HDAC4: variants seen among roughly 807,000 people sequenced by gnomAD.
The protein encoded by HDAC4 is histone deacetylase A.
A neutral mutation model predicts 135.1 loss-of-function variants in HDAC4; 16 were observed. That is an observed-to-expected ratio of 0.12 (90% confidence interval 0.08 to 0.18). The LOEUF (loss-of-function observed/expected upper bound fraction) is 0.18, where lower values mean the gene tolerates loss of function less well. HDAC4 is among the 10% of genes least tolerant of loss of function. The pLI is 1.00. For missense variants in HDAC4, 1,143 were observed against 1,511.8 expected (o/e 0.76, Z 4.05); for synonymous variants, 685 against 653.4 (o/e 1.05, Z -0.74).
chr2:239,335,508 CAAAAAAAAAAA>C (rs61007856), intron 2 of HDAC4, among the ~76,000 whole-genome samples: 4 of 59,384 alleles, frequency 6.7e-5, no homozygotes, highest in East Asian at 1.1e-3. Context: ...ATCTGTTCAG[CAAAAAAAAAAA>C]AAAAAAAAAA....
At chr2:239,100,150 C>A (rs1251959394) in intron 16 of HDAC4, among the ~76,000 whole-genome samples, 2 of 152,240 alleles carry the variant, frequency 1.3e-5, no homozygotes, top group African/African-American at 2.4e-5. Flanking sequence ...TGGGTCCCTG[C>A]AGCCCAGAGA....
intron 20 of HDAC4, 52 bp downstream of exon 20, chr2:239,084,103 G>A (rs2035624796): frequency 7.6e-7 from 1 of 1,313,100 alleles, no homozygotes; most frequent in Non-Finnish European, 1.1e-6. Flanking sequence ...TGTCCGCTCG[G>A]GGACGGCAAA....
At chr2:239,370,089 G>C (rs1275569114) in intron 1 of HDAC4, among the ~76,000 whole-genome samples, 3 of 152,262 alleles carry the variant, frequency 2.0e-5, no homozygotes, top group Admixed American at 2.0e-4. Flanking sequence ...AGGACGGCAG[G>C]CCGTCTGCCC....
chr2:239,115,717 G>A lies in HDAC4; in HGVS notation c.1534-407C>T, dbSNP rs2039068094. 6.6e-6 allele frequency among the ~76,000 whole-genome samples: 1 copy of A among 152,064 alleles called. No homozygotes were observed. The highest frequency in any genetic ancestry group is 6.6e-5 in the Admixed American group (1 of 15,262). On this transcript the variant is annotated intron_variant, in intron 12 of 26. Transcript: ENST00000543185. The surrounding 1 kb of genome is among the most constrained non-coding windows in gnomAD (Gnocchi z 6.3). ...ACAGCCACAACTGCTAAGAGAAACA[G>A]CCCACCACCCACTCAGCGGAAGACA...
At chr2:239,239,884 C>T (rs772275634) in intron 2 of HDAC4, among the ~76,000 whole-genome samples, 5 of 152,230 alleles carry the variant, frequency 3.3e-5, no homozygotes, top group South Asian at 2.1e-4. Context: ...CAAGCACAGG[C>T]GGCCTTGGAG....
At chr2:239,321,297 C>G (rs1194706642) in intron 2 of HDAC4, among the ~76,000 whole-genome samples, 1 of 151,958 alleles carries the variant, frequency 6.6e-6, no homozygotes, top group African/African-American at 2.4e-5. Flanking sequence ...AACCCCGTCT[C>G]TACTAAAAAT....
At chr2:239,119,976 C>T (rs906622111) in intron 12 of HDAC4, among the ~76,000 whole-genome samples, 1 of 61,334 alleles carries the variant, frequency 1.6e-5, no homozygotes, top group African/African-American at 3.5e-5. Flanking sequence ...GGCCAAGTGC[C>T]AGAGAAGGCA....
chr2:239,199,882 G>A (rs963379022), intron 3 of HDAC4, among the ~76,000 whole-genome samples: 6 of 152,220 alleles, frequency 3.9e-5, no homozygotes, highest in East Asian at 1.9e-4. Context: ...TACTACAGAC[G>A]CCAGCCACCA....
At chr2:239,114,250 G>A (rs976697428) in intron 13 of HDAC4, among the ~76,000 whole-genome samples, 4 of 152,178 alleles carry the variant, frequency 2.6e-5, no homozygotes, top group African/African-American at 7.2e-5. Context: ...TCAACGGCAC[G>A]GCCGGCATGG....
intron 9 of HDAC4, among the ~76,000 whole-genome samples, chr2:239,135,664 C>T (rs564462110): frequency 3.3e-5 from 5 of 152,112 alleles, no homozygotes; most frequent in African/African-American, 7.2e-5. Flanking sequence ...TGGGATGTAA[C>T]GTTAAGAAAT....
At chr2:239,116,939 A>G (rs927642660) in intron 12 of HDAC4, among the ~76,000 whole-genome samples, 17 of 151,664 alleles carry the variant, frequency 1.1e-4, no homozygotes, top group African/African-American at 4.1e-4. Context: ...GCACCCCCCG[A>G]CCCCAGTCCT....
intron 2 of HDAC4, among the ~76,000 whole-genome samples, chr2:239,294,750 C>G (rs1211689534): frequency 6.6e-6 from 1 of 152,120 alleles, no homozygotes; most frequent in Non-Finnish European, 1.5e-5. Flanking sequence ...CCCACCCAGG[C>G]CAGGAGCTCA....
chr2:239,380,594 T>A (rs1025367487), intron 1 of HDAC4, among the ~76,000 whole-genome samples: 1 of 152,214 alleles, frequency 6.6e-6, no homozygotes, highest in Non-Finnish European at 1.5e-5. Flanking sequence ...TTTTGCAAGA[T>A]GAAAAAATTC....
chr2:239,067,690 A>G (rs1012965844), intron 23 of HDAC4, among the ~76,000 whole-genome samples: 1 of 152,138 alleles, frequency 6.6e-6, no homozygotes, highest in Non-Finnish European at 1.5e-5. Context: ...GGGAGGCCCC[A>G]GGGGAGCACA....
intron 2 of HDAC4, among the ~76,000 whole-genome samples, chr2:239,256,855 C>T (rs1007126274): frequency 4.7e-5 from 7 of 149,058 alleles, no homozygotes; most frequent in African/African-American, 1.3e-4. Flanking sequence ...CCTTAACATG[C>T]TAATAATACT....
At chr2:239,200,266 G>T (rs2045675362) in intron 3 of HDAC4, among the ~76,000 whole-genome samples, 1 of 152,138 alleles carries the variant, frequency 6.6e-6, no homozygotes, top group African/African-American at 2.4e-5. Context: ...ACATTCAAAC[G>T]CCTGAACGGT....
rs773326935 is a variant in HDAC4, at chr2:239,311,032, C to T, written c.22+41646G>A. Among the ~76,000 whole-genome samples the T allele has an allele frequency of 5.3e-5, 8 of 152,364 alleles. No individual in the cohort carries two copies. In the East Asian group the frequency reaches 9.6e-4, roughly 18 times the overall value. ...CTTTTAAACATTCTGCTGAGATCTG[C>T]GCGGTCGCGGTCTGACAGGCAGGCC... is the stretch of plus-strand genomic sequence containing the variant. On this transcript the variant is annotated intron_variant, in intron 2 of 26. Transcript: ENST00000543185.
At chr2:239,356,910 G>A (rs1453344098) in intron 1 of HDAC4, among the ~76,000 whole-genome samples, 1 of 151,974 alleles carries the variant, frequency 6.6e-6, no homozygotes, top group Non-Finnish European at 1.5e-5. Context: ...AAGAAGAAAT[G>A]GACAAATCTA....
chr2:239,236,355 A>G (rs949842871), intron 3 of HDAC4, among the ~76,000 whole-genome samples: 1 of 151,780 alleles, frequency 6.6e-6, no homozygotes, highest in African/African-American at 2.4e-5. Flanking sequence ...TTAGCACCAG[A>G]GAGAAAAAAA....
Sources: allele counts gnomAD v4.1 joint callset (sites outside exome capture counted in the v4.1 genomes callset), GRCh38; gene constraint gnomAD v4.1.1; non-coding constraint Gnocchi (gnomAD v3.1); transcripts MANE v1.5; gene names NCBI Gene and HGNC (gene_info 2026-07-23, HGNC 2026-07-21).